Variants in ESR1 observed in about 807,000 individuals in gnomAD.
The protein encoded by ESR1 is estrogen receptor 1.
In ESR1, 12 loss-of-function variants were observed where a neutral mutation model predicts 52.7. The ratio of observed to expected loss-of-function variants is 0.23; its 90% CI spans 0.15 to 0.37. The LOEUF (loss-of-function observed/expected upper bound fraction) is 0.37. Among genes scored for constraint, ESR1 ranks in the 10% least tolerant of loss-of-function variants. The pLI is 1.00. For missense variants in ESR1, 584 were observed against 779.7 expected, an observed-to-expected ratio of 0.75 and a Z score of 2.99; for synonymous variants, 305 against 316.8, an observed-to-expected ratio of 0.96 and a Z score of 0.39.
chr6:151,962,705 A>G (rs2037813204), intron 4 of ESR1, among the ~76,000 whole-genome samples: 2 of 152,210 alleles, frequency 1.3e-5, no homozygotes, highest in Admixed American at 1.3e-4. Context: ...GAAATTGCGT[A>G]ATCATGTGCT....
intron 4 of ESR1, among the ~76,000 whole-genome samples, chr6:151,986,386 C>A (rs1266450393): frequency 6.6e-6 from 1 of 151,974 alleles, no homozygotes; most frequent in South Asian, 2.1e-4. Context: ...GGAGAAACAG[C>A]TCTCACTTTC....
At chr6:151,674,988 A>C (rs1001178178) in intron 1 of ESR1, among the ~76,000 whole-genome samples, 6 of 152,238 alleles carry the variant, frequency 3.9e-5, no homozygotes, top group African/African-American at 1.2e-4. Context: ...CAATCATAGC[A>C]GTGGAATTCC....
chr6:152,032,135 C>G (rs1045353648), intron 5 of ESR1, among the ~76,000 whole-genome samples: 5 of 151,974 alleles, frequency 3.3e-5, no homozygotes, highest in African/African-American at 1.2e-4. Context: ...TTGATGGGAC[C>G]TATCTCAAAA....
chr6:151,956,883 A>AT (rs1158159307), intron 4 of ESR1, among the ~76,000 whole-genome samples: 8 of 135,186 alleles, frequency 5.9e-5, no homozygotes, highest in South Asian at 2.4e-4. Flanking sequence ...TATATATAAA[A>AT]TTTTTTTTTT....
At chr6:151,745,202 C>G (rs1351937313) in intron 2 of ESR1, among the ~76,000 whole-genome samples, 2 of 152,156 alleles carry the variant, frequency 1.3e-5, no homozygotes, top group Non-Finnish European at 2.9e-5. Context: ...ATGACCTCAA[C>G]CCACCTCCTA....
At chr6:152,014,990 A>T (rs747726942) in intron 5 of ESR1, among the ~76,000 whole-genome samples, 2 of 152,076 alleles carry the variant, frequency 1.3e-5, no homozygotes, top group East Asian at 1.9e-4. Flanking sequence ...TCGCTTGAAC[A>T]TGGGAGGCAG....
chr6:151,699,209 A>G (rs1184823498), intron 1 of ESR1, among the ~76,000 whole-genome samples: 1 of 152,130 alleles, frequency 6.6e-6, no homozygotes, highest in Non-Finnish European at 1.5e-5. Flanking sequence ...TGTTGTGCCA[A>G]TTCTCTGCTT....
intron 2 of ESR1, among the ~76,000 whole-genome samples, chr6:151,857,493 C>CA (rs1554270126): frequency 0.013 from 1,896 of 145,872 alleles, 20 homozygotes; most frequent in Admixed American, 0.033. Flanking sequence ...ACCCACCCAC[C>CA]CACACACACA....
intron 6 of ESR1, among the ~76,000 whole-genome samples, chr6:152,082,517 G>A (rs573915165): frequency 1.3e-5 from 2 of 152,286 alleles, no homozygotes; most frequent in South Asian, 2.1e-4. Flanking sequence ...TACTGAATGG[G>A]CAAAACCTGG....
rs1037229743 is a variant in ESR1 at position 151,924,491 on chromosome 6, A to T, written c.761-19682A>T. 4.0e-5 allele frequency among the ~76,000 whole-genome samples: 6 copies of T among 151,882 alleles called. No homozygotes were observed. In the East Asian group the frequency reaches 5.8e-4, roughly 15 times the overall value. On this transcript the variant is annotated intron_variant, in intron 3 of 7. Coordinates refer to ENST00000206249, the MANE Select transcript of ESR1 (RefSeq NM_000125.4). Reference sequence around the variant, plus strand: ...TATGTACATTTGTTAATACAGGCAAATTTGTGTCACAGGGGTTTGGTGTAC... The same window carrying T: ...TATGTACATTTGTTAATACAGGCAATTTTGTGTCACAGGGGTTTGGTGTAC...
chr6:152,072,475 G>A (rs760825092), intron 6 of ESR1, among the ~76,000 whole-genome samples: 8 of 152,178 alleles, frequency 5.3e-5, no homozygotes, highest in Non-Finnish European at 1.2e-4. Flanking sequence ...TGTGTGATTG[G>A]CATGTCCTTC....
chr6:151,948,326 T>C (rs952704240), intron 4 of ESR1, among the ~76,000 whole-genome samples: 1 of 152,208 alleles, frequency 6.6e-6, no homozygotes. Flanking sequence ...AATTTTATAC[T>C]TCAAGTCTGT....
chr6:151,864,610 A>G (rs2128294362), intron 2 of ESR1, among the ~76,000 whole-genome samples: 1 of 152,272 alleles, frequency 6.6e-6, no homozygotes, highest in Admixed American at 6.5e-5. Flanking sequence ...AGGATTATAA[A>G]TCATGCTGCT....
intron 2 of ESR1, among the ~76,000 whole-genome samples, chr6:151,737,250 G>A (rs142701256): frequency 2.0e-5 from 3 of 152,160 alleles, no homozygotes; most frequent in East Asian, 3.9e-4. Context: ...ATTTTTAGAC[G>A]TATGTTTGGT....
intron 2 of ESR1, among the ~76,000 whole-genome samples, chr6:151,775,438 A>G (rs895060113): frequency 2.0e-5 from 3 of 152,054 alleles, no homozygotes; most frequent in Admixed American, 2.0e-4. Flanking sequence ...GGGATACTCA[A>G]CCTGTACTAG....
intron 4 of ESR1, among the ~76,000 whole-genome samples, chr6:151,958,680 C>A (rs1428927730): frequency 6.6e-6 from 1 of 152,132 alleles, no homozygotes; most frequent in African/African-American, 2.4e-5. Context: ...TGTTATAGAT[C>A]AAAATGCACA....
At chr6:152,082,026 C>A (rs2049268187) in intron 6 of ESR1, among the ~76,000 whole-genome samples, 1 of 152,140 alleles carries the variant, frequency 6.6e-6, no homozygotes, top group African/African-American at 2.4e-5. Context: ...TGAATTCTAC[C>A]AGAGGTACAA....
chr6:151,760,731 C>T lies in ESR1; in HGVS notation c.-70-47112C>T, dbSNP rs763826152. ...CCCCATCGCAACCCATGACAGTAAACGCACTGCACATACTTATCCCACAGA... is the reference window on the plus strand; with the variant it reads ...CCCCATCGCAACCCATGACAGTAAATGCACTGCACATACTTATCCCACAGA... On this transcript the variant is annotated intron_variant, in intron 2 of 2. Transcript: ENST00000404742. Among the ~76,000 whole-genome samples the T allele has an allele frequency of 9.2e-5, 14 of 152,302 alleles. No individual in the cohort carries two copies. In the South Asian group the frequency reaches 2.1e-3, roughly 23 times the overall value.
chr6:151,948,784 T>G (rs2035996717), intron 4 of ESR1, among the ~76,000 whole-genome samples: 1 of 152,144 alleles, frequency 6.6e-6, no homozygotes, highest in Non-Finnish European at 1.5e-5. Context: ...TGGAAGTTTC[T>G]GTGTTGTCTC....
Sources: gnomAD v4.1 joint callset for allele counts (sites outside exome capture counted in the v4.1 genomes callset) on GRCh38, gnomAD v4.1.1 for gene constraint, MANE v1.5 for transcripts, NCBI Gene and HGNC (gene_info 2026-07-23, HGNC 2026-07-21) for gene names.